CAST: variants seen among roughly 807,000 people sequenced by gnomAD.
CAST encodes MIR583 host.
Under a neutral mutation model 119.6 loss-of-function variants are expected in CAST, and 76 were observed. The observed-to-expected ratio is 0.64, with a 90% CI of 0.53 to 0.77. The LOEUF (loss-of-function observed/expected upper bound fraction) is 0.77. Among genes scored for constraint, CAST ranks in the 30% least tolerant of loss-of-function variants. The pLI, the probability that CAST is intolerant of heterozygous loss-of-function variation, is 0.00. For missense variants in CAST, 953 were observed against 946.5 expected (o/e 1.01, Z -0.09); for synonymous variants, 319 against 331.6 (o/e 0.96, Z 0.41).
At chr5:96,676,613 A>G (rs1750739887) in intron 2 of CAST, among the ~76,000 whole-genome samples, 1 of 152,208 alleles carries the variant, frequency 6.6e-6, no homozygotes, top group Non-Finnish European at 1.5e-5. Context: ...TGAATTTTTT[A>G]TAGCCATGAA....
chr5:96,727,792 A>G (rs949310796), intron 6 of CAST, among the ~76,000 whole-genome samples: 6 of 152,184 alleles, frequency 3.9e-5, no homozygotes, highest in South Asian at 2.1e-4. Context: ...GTTTTTTGTT[A>G]TATGTATAGT....
At chr5:96,096,001 G>C in the CAST span, among the ~76,000 whole-genome samples, 2 of 152,160 alleles carry the variant, frequency 1.3e-5, no homozygotes, top group African/African-American at 2.4e-5. Context: ...GTAGACATCA[G>C]CTATTCAGAT....
the CAST span, among the ~76,000 whole-genome samples, chr5:96,438,082 C>T: frequency 3.3e-5 from 5 of 152,102 alleles, no homozygotes; most frequent in South Asian, 2.1e-4. Flanking sequence ...ACATCCCCAA[C>T]CTTTTTAACA....
chr5:96,715,988 A>T (rs1242798191), intron 3 of CAST, among the ~76,000 whole-genome samples: 1 of 152,156 alleles, frequency 6.6e-6, no homozygotes, highest in Non-Finnish European at 1.5e-5. Context: ...TTGTTAGATG[A>T]CTCTATTGCA....
the CAST span, among the ~76,000 whole-genome samples, chr5:96,176,719 C>T: frequency 6.6e-6 from 1 of 152,168 alleles, no homozygotes; most frequent in African/African-American, 2.4e-5. Context: ...TTTCTTTCTT[C>T]CTGAGCCCCT....
At chr5:96,521,348 T>C (rs1745514155), upstream of CAST, among the ~76,000 whole-genome samples, 1 of 152,212 alleles carries the variant, frequency 6.6e-6, no homozygotes, top group Non-Finnish European at 1.5e-5. Flanking sequence ...TCTGTCCTTC[T>C]GGCCTCACCT....
chr5:96,558,816 C>G (rs905688409), intron 1 of CAST, among the ~76,000 whole-genome samples: 4 of 152,150 alleles, frequency 2.6e-5, no homozygotes, highest in Non-Finnish European at 5.9e-5. Context: ...GAAACTATTC[C>G]AATCAATAGA....
At chr5:96,066,216 A>G in the CAST span, among the ~76,000 whole-genome samples, 4 of 152,130 alleles carry the variant, frequency 2.6e-5, no homozygotes, top group Admixed American at 2.6e-4. Flanking sequence ...TTTAGTGTGA[A>G]TCTTGCTGAC....
In CAST at chr5:96,765,324, A is replaced by G. The variant is rs1387374343; in HGVS notation, c.2036A>G (p.Lys679Arg). Residue 679 changes from lysine to arginine, a missense_variant and splice_region_variant, in exon 26 of 32, where the codon AAG becomes AGG. By Grantham distance (26) the Lys-to-Arg change is conservative. Coordinates refer to ENST00000675179, the MANE Select transcript of CAST (RefSeq NM_001750.7). ...AACAAACCAATGGAAGATAAAGTAA[A>G]GGTAAAAAAAAAAAAAAAAAAAAAA... is the stretch of plus-strand genomic sequence containing the variant. ...DENKPMEDKVKEKAKAEHRDK... is the reference protein window; with the variant it reads ...DENKPMEDKVREKAKAEHRDK... 1 of 1,103,618 alleles carries G rather than the reference A, an allele frequency of 9.1e-7. No homozygotes were observed. Among genetic ancestry groups the G allele is most frequent in the Non-Finnish European group, 1.3e-6 (1 of 790,048 alleles). The allele number at this position is 1,103,618 out of a possible 1,614,324, so 68.4% of individuals were successfully genotyped here.
the CAST span, among the ~76,000 whole-genome samples, chr5:96,101,875 A>T: frequency 6.6e-6 from 1 of 152,020 alleles, no homozygotes; most frequent in African/African-American, 2.4e-5. Flanking sequence ...AGCAGGCTTC[A>T]TGCCATCCCT....
At chr5:96,554,068 T>C (rs190528) in intron 1 of CAST, among the ~76,000 whole-genome samples, 50,784 of 152,072 alleles carry the variant, frequency 0.33, 9,118 homozygotes, top group Middle Eastern at 0.45. Context: ...AAACTTCATA[T>C]GGAAACAAGA....
intron 1 of CAST, among the ~76,000 whole-genome samples, chr5:96,620,112 G>A (rs1014212151): frequency 2.0e-5 from 3 of 152,114 alleles, no homozygotes; most frequent in African/African-American, 7.2e-5. Flanking sequence ...TGTTATGACC[G>A]GAAGGCCAGG....
At chr5:96,313,867 A>G in the CAST span, among the ~76,000 whole-genome samples, 2 of 152,194 alleles carry the variant, frequency 1.3e-5, no homozygotes, top group South Asian at 4.1e-4. Context: ...TTAGGTTTAT[A>G]AAATCAGTTA....
the CAST span, among the ~76,000 whole-genome samples, chr5:96,162,053 T>C: frequency 6.6e-6 from 1 of 152,226 alleles, no homozygotes; most frequent in Non-Finnish European, 1.5e-5. Flanking sequence ...TCATCTTATC[T>C]GTAAACAGAG....
chr5:96,091,134 C>G, the CAST span, among the ~76,000 whole-genome samples: 1 of 151,754 alleles, frequency 6.6e-6, no homozygotes, highest in Non-Finnish European at 1.5e-5. Flanking sequence ...TGGAGACAGA[C>G]AGGCCTGGAT....
At chr5:96,703,011 G>A in intron 3 of CAST, 2 of 902,872 alleles carry the variant, frequency 2.2e-6, no homozygotes, top group Non-Finnish European at 2.7e-6. Context: ...TCCGGGGCCT[G>A]GTCCCTGCAG....
At chr5:96,418,845 A>G in the CAST span, among the ~76,000 whole-genome samples, 1 of 152,184 alleles carries the variant, frequency 6.6e-6, no homozygotes, top group East Asian at 1.9e-4. Context: ...CAAATAGCAG[A>G]TTCTGAATTG....
the CAST span, among the ~76,000 whole-genome samples, chr5:96,363,834 G>A: frequency 2.7e-5 from 4 of 149,554 alleles, no homozygotes; most frequent in Non-Finnish European, 4.5e-5. Context: ...TATTCAATTA[G>A]GCCTGATTGC....
At chr5:96,158,604 A>C in the CAST span, among the ~76,000 whole-genome samples, 1 of 152,240 alleles carries the variant, frequency 6.6e-6, no homozygotes, top group African/African-American at 2.4e-5. Context: ...AGTTCTGCAC[A>C]GCAGTCTCCT....
Sources: allele counts gnomAD v4.1 joint callset (sites outside exome capture counted in the v4.1 genomes callset), GRCh38; gene constraint gnomAD v4.1.1; transcripts MANE v1.5; gene names NCBI Gene and HGNC (gene_info 2026-07-23, HGNC 2026-07-21).